Variants in DNM3 observed in about 807,000 individuals in gnomAD.
The protein encoded by DNM3 is dynamin-3.
Under a neutral mutation model 101.6 loss-of-function variants are expected in DNM3, and 47 were observed. The observed-to-expected ratio is 0.46, with a 90% CI of 0.37 to 0.59. DNM3 has a LOEUF of 0.59. Ranked by LOEUF, DNM3 falls within the 20% of genes least tolerant of loss-of-function variation. The pLI, the probability that DNM3 is intolerant of heterozygous loss-of-function variation, is 0.00. For missense variants in DNM3, 849 were observed against 1,085.7 expected (o/e 0.78, Z 3.06); for synonymous variants, 385 against 387.9 (o/e 0.99, Z 0.09).
chr1:172,209,334 G>T (rs2060431890), intron 14 of DNM3, among the ~76,000 whole-genome samples: 1 of 151,904 alleles, frequency 6.6e-6, no homozygotes. Flanking sequence ...AGAATCATGA[G>T]AAAATCATTT....
intron 2 of DNM3, among the ~76,000 whole-genome samples, chr1:171,950,874 C>T (rs1304858393): frequency 6.6e-6 from 1 of 152,062 alleles, no homozygotes; most frequent in Admixed American, 6.6e-5. Context: ...AATATGTGTC[C>T]ATATGCCATA....
chr1:171,904,549 C>A (rs1025391751), intron 1 of DNM3, among the ~76,000 whole-genome samples: 1 of 152,174 alleles, frequency 6.6e-6, no homozygotes, highest in Non-Finnish European at 1.5e-5. Flanking sequence ...CAACCAAACC[C>A]TAATGCTGTT....
rs149120099 is a variant in DNM3 at position 172,151,231 on chromosome 1, T to C, written c.1659+19943T>C. On this transcript the variant is annotated intron_variant, in intron 14 of 20. Transcript: ENST00000627582. ...AGTGTTTTTTTGTAATCTTAAACGT[T>C]AGTTTTAGTGTATAGACGTTTCAGT... Among the ~76,000 whole-genome samples, 394 of 152,336 alleles carry C rather than the reference T, an allele frequency of 2.6e-3. 3 individuals carry two copies. Among genetic ancestry groups the C allele is most frequent in the Non-Finnish European group, 4.5e-3 (305 of 68,020 alleles).
At chr1:172,357,700 A>G (rs1205188443) in intron 17 of DNM3, among the ~76,000 whole-genome samples, 1 of 152,104 alleles carries the variant, frequency 6.6e-6, no homozygotes, top group East Asian at 1.9e-4. Context: ...GTAGTTTTGT[A>G]AGATACTAAC....
chr1:172,131,106 T>A (rs995260917), intron 13 of DNM3, 69 bp from the exon 14 acceptor site: 1 of 1,349,142 alleles, frequency 7.4e-7, no homozygotes, highest in African/African-American at 1.4e-5. Flanking sequence ...AACTTCTTAG[T>A]CCAAGACATC....
intron 1 of DNM3, among the ~76,000 whole-genome samples, chr1:171,877,707 A>G (rs2035906255): frequency 6.6e-6 from 1 of 152,186 alleles, no homozygotes; most frequent in South Asian, 2.1e-4. Context: ...TGCAATGGAG[A>G]GTTAAAAAAA....
intron 14 of DNM3, among the ~76,000 whole-genome samples, chr1:172,197,265 A>G (rs2059988275): frequency 6.6e-6 from 1 of 151,886 alleles, no homozygotes; most frequent in Admixed American, 6.6e-5. Context: ...CCATTGGTCT[A>G]TGTGCCTGTT....
intron 4 of DNM3, among the ~76,000 whole-genome samples, chr1:172,023,997 T>C (rs575277642): frequency 1.4e-4 from 22 of 152,194 alleles, no homozygotes; most frequent in African/African-American, 5.3e-4. Flanking sequence ...TTTCTGTTTA[T>C]GGCCTTCTAA....
chr1:171,894,832 G>T (rs2037634091), intron 1 of DNM3, among the ~76,000 whole-genome samples: 1 of 152,084 alleles, frequency 6.6e-6, no homozygotes, highest in Non-Finnish European at 1.5e-5. Flanking sequence ...GTGAGAACAT[G>T]CAGTGTTTGG....
chr1:172,317,861 AAG>A (rs2065470895), intron 16 of DNM3, among the ~76,000 whole-genome samples: 1 of 152,226 alleles, frequency 6.6e-6, no homozygotes, highest in South Asian at 2.1e-4. Flanking sequence ...TCAATAGAAA[AAG>A]AGGGAATCCT....
At chr1:172,378,521 C>CG (rs397981953) in intron 17 of DNM3, among the ~76,000 whole-genome samples, 11 of 134 alleles carry the variant, frequency 0.082, no homozygotes, top group African/African-American at 0.22. Flanking sequence ...TGGCTTCAGG[C>CG]AGCCCTACAA....
At position 172,400,785 on chromosome 1, in the gene DNM3, A is replaced by G. The variant is rs139791588; in HGVS notation, c.2523-6987A>G. Among the ~76,000 whole-genome samples the G allele has an allele frequency of 3.5e-3, 528 of 152,314 alleles. 2 individuals are homozygous for G. The highest frequency in any genetic ancestry group is 0.02 in the Middle Eastern group (6 of 294). ...AAACAAGTCATTTGGTATTTGTGAT[A>G]AAGAATAAGACAACCCTTGATTTCT... is the stretch of plus-strand genomic sequence containing the variant. On this transcript the variant is annotated intron_variant, in intron 20 of 20. Transcript: ENST00000627582.
chr1:172,410,453 T>G lies in DNM3; in HGVS notation c.*2612T>G. On this transcript the variant is annotated 3_prime_UTR_variant, in exon 21 of 21. Coordinates refer to ENST00000627582, the MANE Select transcript of DNM3 (RefSeq NM_015569.5). Reference sequence around the variant, plus strand: ...GCATAATTTAAAAAATCAGTGTTTTTAGGATTTGGGAAAATAAACTGTAAA... The same window carrying G: ...GCATAATTTAAAAAATCAGTGTTTTGAGGATTTGGGAAAATAAACTGTAAA... The G allele has an allele frequency of 2.0e-6, 2 of 984,904 alleles. No individual in the cohort carries two copies. Among genetic ancestry groups the G allele is most frequent in the Non-Finnish European group, 1.2e-6 (1 of 829,460 alleles). 61.0% of individuals were successfully genotyped at this position (984,904 alleles called of 1,614,324 possible).
In DNM3 at chr1:172,409,443, A is replaced by G; in HGVS notation, c.*1602A>G. 1 of 984,466 alleles carries G rather than the reference A, an allele frequency of 1.0e-6. No individual in the cohort carries two copies. The highest frequency in any genetic ancestry group is 1.2e-6 in the Non-Finnish European group (1 of 829,052). The allele number at this position is 984,466 out of a possible 1,614,324, so 61.0% of individuals were successfully genotyped here. A position where few individuals can be genotyped will look rare whatever the true frequency, so the allele number is the denominator to read the frequency against. On this transcript the variant is annotated 3_prime_UTR_variant, in exon 21 of 21. Coordinates refer to ENST00000627582, the MANE Select transcript of DNM3 (RefSeq NM_015569.5). Reference sequence around the variant, plus strand: ...AGTGCCATTGTATTGAACTTATTCTAAAGGCTTATGCTAACCCATTTATAA... The same window carrying G: ...AGTGCCATTGTATTGAACTTATTCTGAAGGCTTATGCTAACCCATTTATAA...
chr1:172,235,665 A>T (rs56916094), intron 14 of DNM3, among the ~76,000 whole-genome samples: 1,780 of 152,328 alleles, frequency 0.012, 40 homozygotes, highest in African/African-American at 0.04. Context: ...CTATGAACCC[A>T]TAAAAAATGA....
At chr1:171,981,046 C>T (rs888302830) in intron 2 of DNM3, among the ~76,000 whole-genome samples, 3 of 152,102 alleles carry the variant, frequency 2.0e-5, no homozygotes, top group Admixed American at 2.0e-4. Context: ...GGATTATAGG[C>T]GTGAGCCACC....
chr1:172,278,728 G>T (rs2063380763), intron 15 of DNM3, among the ~76,000 whole-genome samples: 2 of 152,116 alleles, frequency 1.3e-5, no homozygotes, highest in South Asian at 2.1e-4. Context: ...AACTCAGCCA[G>T]TGTCTCATTG....
intron 4 of DNM3, among the ~76,000 whole-genome samples, chr1:171,998,367 A>G (rs2046143043): frequency 6.6e-6 from 1 of 152,154 alleles, no homozygotes; most frequent in Non-Finnish European, 1.5e-5. Context: ...ATGTTACTAA[A>G]TGAATGCTTC....
intron 19 of DNM3, among the ~76,000 whole-genome samples, chr1:172,388,037 C>T (rs1345062099): frequency 6.6e-6 from 1 of 152,076 alleles, no homozygotes; most frequent in Non-Finnish European, 1.5e-5. Flanking sequence ...AGTTTGAGAC[C>T]AGGCTGGCCA....
Sources: allele counts gnomAD v4.1 joint callset (sites outside exome capture counted in the v4.1 genomes callset), GRCh38; gene constraint gnomAD v4.1.1; transcripts MANE v1.5; gene names NCBI Gene and HGNC (gene_info 2026-07-23, HGNC 2026-07-21).